IRX2: variants seen among roughly 807,000 people sequenced by gnomAD.
IRX2 encodes the protein iroquois-class homeodomain protein IRX-2.
Under a neutral mutation model 42.9 loss-of-function variants are expected in IRX2, and 26 were observed. The observed-to-expected ratio is 0.61, with a 90% confidence interval of 0.44 to 0.84. The LOEUF is 0.84. Among genes scored for constraint, IRX2 ranks in the 40% least tolerant of loss-of-function variants. The probability of loss-of-function intolerance (pLI) is 0.00; values close to 1 mark genes in which losing one functional copy is unlikely to be tolerated. For missense variants in IRX2, 782 were observed against 713.9 expected (o/e 1.10, Z -1.09); for synonymous variants, 424 against 353.9 (o/e 1.20, Z -2.22).
the IRX2 span, among the ~76,000 whole-genome samples, chr5:2,739,943 C>A: frequency 6.6e-6 from 1 of 152,116 alleles, no homozygotes; most frequent in Non-Finnish European, 1.5e-5. Context: ...GGACTGAAGC[C>A]CGGGACCAGA....
At chr5:2,747,686 C>T in intron 3 of IRX2, 70 bp from the exon 4 acceptor site, 3 of 1,420,164 alleles carry the variant, frequency 2.1e-6, no homozygotes, top group Non-Finnish European at 2.0e-6. Flanking sequence ...CACCGTGCAC[C>T]CACCATCCTC....
chr5:2,746,690 T>A lies in IRX2; in HGVS notation c.*874A>T, dbSNP rs1290105462. The A allele has an allele frequency of 2.0e-5, 3 of 152,540 alleles. No homozygotes were observed. In the East Asian group the frequency reaches 5.8e-4, roughly 29 times the overall value. 9.4% of individuals were successfully genotyped at this position (152,540 alleles called of 1,614,324 possible). ...ACAAGATGTGGTCTGGATTTAGACA[T>A]CTGTTTGTTGTATCTGTAAATTTAT... On this transcript the variant is annotated 3_prime_UTR_variant, in exon 4 of 4. Transcript: ENST00000302057.
chr5:2,739,668 C>G, the IRX2 span, among the ~76,000 whole-genome samples: 1 of 152,204 alleles, frequency 6.6e-6, no homozygotes, highest in African/African-American at 2.4e-5. Context: ...TGAACCCGGG[C>G]CGGGCGCTTT....
chr5:2,750,180 C>T (rs890191904), intron 1 of IRX2, among the ~76,000 whole-genome samples: 1 of 152,102 alleles, frequency 6.6e-6, no homozygotes, highest in African/African-American at 2.4e-5. Flanking sequence ...TCTTCCCCTC[C>T]CTTATATGGT....
At chr5:2,737,173 G>A in the IRX2 span, 3 of 152,214 alleles carry the variant, frequency 2.0e-5, no homozygotes, top group East Asian at 5.8e-4. Flanking sequence ...ATTCACGAGA[G>A]GCCTCAGGTG....
downstream of IRX2, among the ~76,000 whole-genome samples, chr5:2,743,027 A>G (rs369920506): frequency 7.2e-4 from 109 of 152,320 alleles, 2 homozygotes; most frequent in South Asian, 0.021. Flanking sequence ...CAGAATCCGC[A>G]GAGATCTAAT....
the IRX2 span, chr5:2,737,085 C>A: frequency 1.8e-4 from 28 of 152,336 alleles, no homozygotes; most frequent in East Asian, 4.3e-3. Context: ...CCGACCACAG[C>A]CATGCCAGAA....
At chr5:2,739,864 C>T in the IRX2 span, among the ~76,000 whole-genome samples, 1 of 152,114 alleles carries the variant, frequency 6.6e-6, no homozygotes, top group South Asian at 2.1e-4. Context: ...AGGCCGGGGT[C>T]AGGGCGGGAG....
the IRX2 span, among the ~76,000 whole-genome samples, chr5:2,739,547 CG>C: frequency 6.6e-6 from 1 of 152,130 alleles, no homozygotes; most frequent in Non-Finnish European, 1.5e-5. Flanking sequence ...CCGGGGGGAC[CG>C]GGGAGGAGAG....
rs746042099 is a variant in IRX2 at position 2,747,597 on chromosome 5, G to C, written c.1383C>G (p.Thr461=). Residue 461 remains threonine (T), a synonymous_variant, in exon 4 of 4, where the codon ACC becomes ACG. Transcript: ENST00000302057. ...AGGGCTGGACGCCCCCGCCAACCAC[G>C]GTGCAGCCCTCGCTGGCATCTGTCA... The part of the protein sequence containing the change: ...EPKKDASEGC[T]VVGGGVQPYL 2.5e-6 allele frequency: 4 copies of C among 1,613,986 alleles called. No individual in the cohort carries two copies. The highest frequency in any genetic ancestry group is 3.4e-6 in the Non-Finnish European group (4 of 1,179,952).
In IRX2 at chr5:2,748,588, C is replaced by T. The variant is rs1463378304; in HGVS notation, c.1120G>A (p.Ala374Thr). The change falls in exon 3 of 4, where the codon GCC (alanine) becomes ACC (threonine). Residue 374 changes from alanine (A) to threonine (T), a missense_variant. By Grantham distance (58) the Ala-to-Thr change is moderately conservative. Coordinates refer to ENST00000302057, the MANE Select transcript of IRX2 (RefSeq NM_033267.5). ...GAPPGGSPYP[A>T]SPLLGRPLYY... ...AGGGGGCGGCCCAGCAGCGGCGAGG[C>T]AGGGTAGGGCGAGCCTCCTGGCGGT... The T allele has an allele frequency of 1.3e-6, 2 of 1,550,914 alleles. No individual in the cohort carries two copies. The highest frequency in any genetic ancestry group is 2.0e-5 in the Admixed American group (1 of 51,164).
At chr5:2,750,837 GA>G (rs915944520) in intron 1 of IRX2, among the ~76,000 whole-genome samples, 2 of 152,210 alleles carry the variant, frequency 1.3e-5, no homozygotes, top group African/African-American at 4.8e-5. Context: ...CTGCGGTGCG[GA>G]AACCAGGGAC....
At chr5:2,746,081 G>A (rs1257273451), downstream of IRX2, 2 of 149,470 alleles carry the variant, frequency 1.3e-5, no homozygotes, top group Non-Finnish European at 3.0e-5. Flanking sequence ...TCATTAAAAA[G>A]GTGAGGTCAG....
At chr5:2,742,105 C>T (rs1171911613), downstream of IRX2, among the ~76,000 whole-genome samples, 1 of 152,146 alleles carries the variant, frequency 6.6e-6, no homozygotes, top group Non-Finnish European at 1.5e-5. Flanking sequence ...GACAGAGGTG[C>T]CGGTTGAGGC....
chr5:2,741,771 G>C (rs923297261), downstream of IRX2, among the ~76,000 whole-genome samples: 34 of 152,300 alleles, frequency 2.2e-4, no homozygotes, highest in African/African-American at 7.7e-4. Flanking sequence ...ATTGGAGGCA[G>C]CCCCAAACCT....
the IRX2 span, among the ~76,000 whole-genome samples, chr5:2,739,181 C>G: frequency 2.0e-5 from 3 of 152,238 alleles, no homozygotes; most frequent in Admixed American, 6.5e-5. Context: ...ACTTCCCAGA[C>G]CAGGGGCCCG....
At position 2,747,445 on chromosome 5, in the gene IRX2, C is replaced by CAGAA. The variant is rs1737712528; in HGVS notation, c.*118_*119insTTCT. ...GCTGGACAAGATTGAAATGCTCTGTCTTCTAACCCCATGACCAGAAGCAAG... is the reference window on the plus strand; with the variant it reads ...GCTGGACAAGATTGAAATGCTCTGTCAGAATTCTAACCCCATGACCAGAAGCAAG... On this transcript the variant is annotated 3_prime_UTR_variant, in exon 4 of 4. Transcript: ENST00000302057. The CAGAA allele has an allele frequency of 6.4e-6, 5 of 781,314 alleles. No homozygotes were observed. The highest frequency in any genetic ancestry group is 1.1e-5 in the Non-Finnish European group (5 of 460,696). The allele number at this position is 781,314 out of a possible 1,614,324, so 48.4% of individuals were successfully genotyped here.
intron 1 of IRX2, among the ~76,000 whole-genome samples, chr5:2,750,739 C>A (rs1039882332): frequency 6.6e-6 from 1 of 152,218 alleles, no homozygotes; most frequent in African/African-American, 2.4e-5. Context: ...ACCGCCCGGC[C>A]GTCGGCTCAG....
rs774809191 is a variant in IRX2 at position 2,748,800 on chromosome 5, G to A, written c.908C>T (p.Ala303Val). Reference sequence around the variant, plus strand: ...GGGCGTCTTGCGGCCACCGCGGGGCGCGGCCTCGGGCGGGGGGCTCAGCAG... The same window carrying A: ...GGGCGTCTTGCGGCCACCGCGGGGCACGGCCTCGGGCGGGGGGCTCAGCAG... ...APLLSPPPEA[A>V]PRGGRKTPQG... The change falls in exon 3 of 4, where the codon GCG becomes GTG. Residue 303 changes from alanine to valine, a missense_variant. Physicochemically the swap from Ala to Val is moderately conservative, Grantham distance 64. Around this residue, in one of 3 missense-constraint regions of IRX2, gnomAD observed 520 missense variants for 437.8 expected, o/e 1.19. Coordinates refer to ENST00000302057, the MANE Select transcript of IRX2 (RefSeq NM_033267.5). The A allele has an allele frequency of 3.3e-5, 47 of 1,429,242 alleles. No homozygotes were observed. The African/African-American group carries it at 4.7e-4, about 14-fold the overall frequency. The allele number at this position is 1,429,242 out of a possible 1,614,324, so 88.5% of individuals were successfully genotyped here.
Sources: allele counts gnomAD v4.1 joint callset (sites outside exome capture counted in the v4.1 genomes callset), GRCh38; gene constraint gnomAD v4.1.1; regional missense constraint gnomAD v4.1.1; transcripts MANE v1.5; gene names NCBI Gene and HGNC (gene_info 2026-07-23, HGNC 2026-07-21).